The following ACYP2 variants were observed in gnomAD, a reference collection of about 807,000 sequenced individuals.
ACYP2 encodes acylphosphatase-2.
In ACYP2, 12 loss-of-function variants were observed where a neutral mutation model predicts 11.2. The observed-to-expected ratio is 1.08, with a 90% CI of 0.69 to 1.74. ACYP2 has a LOEUF of 1.74. Among genes scored for constraint, ACYP2 ranks in the 40% most tolerant of loss-of-function variants. The pLI is 0.00. For missense variants in ACYP2, 134 were observed against 101.9 expected, an observed-to-expected ratio of 1.31 and a Z score of -1.35; for synonymous variants, 43 against 32.2, an observed-to-expected ratio of 1.33 and a Z score of -1.13.
At chr2:54,161,933 A>C (rs1202429005) in intron 6 of ACYP2, among the ~76,000 whole-genome samples, 1 of 152,114 alleles carries the variant, frequency 6.6e-6, no homozygotes. Flanking sequence ...GTTTTAAAAG[A>C]AGCAGCTATT....
At chr2:54,139,129 G>A (rs550030880) in intron 6 of ACYP2, among the ~76,000 whole-genome samples, 3 of 152,306 alleles carry the variant, frequency 2.0e-5, no homozygotes, top group South Asian at 2.1e-4. Flanking sequence ...GGCTGGCCTC[G>A]AGAAGAATTG....
intron 6 of ACYP2, among the ~76,000 whole-genome samples, chr2:54,197,845 T>C (rs1486785611): frequency 6.6e-6 from 1 of 152,192 alleles, no homozygotes; most frequent in African/African-American, 2.4e-5. Context: ...TGTGCGTACT[T>C]CTTCCTACAC....
At position 54,071,275 on chromosome 2, in the gene ACYP2, G is replaced by A. The variant is rs545194531; in HGVS notation, c.277+13915G>A. ...GGCTTCTATTCAACACTGCACTACA[G>A]ATTCTAGCCAGGACAATGATGTAAG... is the stretch of plus-strand genomic sequence containing the variant. On this transcript the variant is annotated intron_variant, in intron 4 of 6. Transcript: ENST00000607452. 2.4e-3 allele frequency among the ~76,000 whole-genome samples: 360 copies of A among 152,190 alleles called. 1 individual carries two copies. Among genetic ancestry groups the A allele is most frequent in the Admixed American group, 3.6e-3 (55 of 15,268 alleles).
chr2:54,038,648 T>C (rs1675038215), intron 2 of ACYP2, among the ~76,000 whole-genome samples: 1 of 132,464 alleles, frequency 7.5e-6, no homozygotes, highest in Non-Finnish European at 1.6e-5. Flanking sequence ...AGGCATTCAT[T>C]CATTCAATAA....
chr2:54,230,730 A>G (rs1686198812), intron 6 of ACYP2, among the ~76,000 whole-genome samples: 1 of 151,908 alleles, frequency 6.6e-6, no homozygotes, highest in South Asian at 2.1e-4. Context: ...AAACTCCACC[A>G]ATTGTCAACC....
intron 6 of ACYP2, among the ~76,000 whole-genome samples, chr2:54,287,206 C>T (rs556356452): frequency 9.2e-5 from 14 of 152,010 alleles, no homozygotes; most frequent in South Asian, 6.2e-4. Flanking sequence ...AAGGTGGCAC[C>T]TTGAACACCA....
chr2:54,186,041 G>GA (rs1222893150), intron 6 of ACYP2, among the ~76,000 whole-genome samples: 1 of 151,926 alleles, frequency 6.6e-6, no homozygotes, highest in Non-Finnish European at 1.5e-5. Flanking sequence ...CACAAGAGAA[G>GA]AAAAAACATT....
At chr2:54,159,372 C>CTTT (rs768866580) in intron 6 of ACYP2, among the ~76,000 whole-genome samples, 4 of 113,530 alleles carry the variant, frequency 3.5e-5, no homozygotes, top group African/African-American at 1.3e-4. Flanking sequence ...TTTTAGGATG[C>CTTT]TTTTTTTTTT....
At chr2:54,237,005 A>G (rs1373640206) in intron 6 of ACYP2, among the ~76,000 whole-genome samples, 3 of 152,232 alleles carry the variant, frequency 2.0e-5, no homozygotes, top group East Asian at 1.9e-4. Context: ...CTGAACACAT[A>G]CAGACTTTTT....
At chr2:54,048,659 A>T (rs1232863835) in intron 2 of ACYP2, among the ~76,000 whole-genome samples, 2 of 152,198 alleles carry the variant, frequency 1.3e-5, no homozygotes, top group African/African-American at 4.8e-5. Flanking sequence ...TGCCACCATG[A>T]CCTACAACCA....
chr2:54,059,787 C>G (rs1322017142), intron 4 of ACYP2, among the ~76,000 whole-genome samples: 2 of 152,086 alleles, frequency 1.3e-5, no homozygotes. Flanking sequence ...GCATGGATGC[C>G]TTGTATGTTT....
At chr2:53,980,637 A>G (rs1348545820) in intron 2 of ACYP2, among the ~76,000 whole-genome samples, 3 of 152,182 alleles carry the variant, frequency 2.0e-5, no homozygotes, top group Non-Finnish European at 4.4e-5. Flanking sequence ...ACAGTGGTGT[A>G]TAGTGACATC....
intron 6 of ACYP2, among the ~76,000 whole-genome samples, chr2:54,232,332 C>A (rs920193353): frequency 6.6e-6 from 1 of 152,134 alleles, no homozygotes; most frequent in African/African-American, 2.4e-5. Flanking sequence ...TGGCTTCCTT[C>A]GACAGGACCA....
chr2:54,225,800 C>G (rs146708277), intron 6 of ACYP2, among the ~76,000 whole-genome samples: 1 of 150,948 alleles, frequency 6.6e-6, no homozygotes, highest in East Asian at 1.9e-4. Context: ...TTTTTTTTTA[C>G]TTGTTTCTTA....
At chr2:54,278,855 G>A (rs1179556771) in intron 6 of ACYP2, among the ~76,000 whole-genome samples, 4 of 152,068 alleles carry the variant, frequency 2.6e-5, no homozygotes, top group Non-Finnish European at 4.4e-5. Flanking sequence ...GTATATAGAT[G>A]CTGCTGTACT....
intron 6 of ACYP2, among the ~76,000 whole-genome samples, chr2:54,249,019 C>G (rs1687084894): frequency 6.6e-6 from 1 of 151,604 alleles, no homozygotes; most frequent in Non-Finnish European, 1.5e-5. Context: ...GTAAGGAGTT[C>G]CATGTGAGTG....
At chr2:54,030,796 A>T (rs1467972547) in intron 2 of ACYP2, 1 of 152,302 alleles carries the variant, frequency 6.6e-6, no homozygotes, top group African/African-American at 2.4e-5. Flanking sequence ...TCTAAAAAAT[A>T]ATAACTGACC....
chr2:54,045,983 C>T (rs181582759), intron 2 of ACYP2, among the ~76,000 whole-genome samples: 2 of 151,370 alleles, frequency 1.3e-5, no homozygotes, highest in Non-Finnish European at 2.9e-5. Flanking sequence ...ACAGCCTGGG[C>T]AACATGGCAA....
intron 6 of ACYP2, among the ~76,000 whole-genome samples, chr2:54,162,374 C>G (rs1217317539): frequency 2.6e-5 from 4 of 152,136 alleles, no homozygotes; most frequent in East Asian, 3.8e-4. Flanking sequence ...GCTGCTGCTT[C>G]TTTTTCTTTT....
Sources: allele counts gnomAD v4.1 joint callset (sites outside exome capture counted in the v4.1 genomes callset), GRCh38; gene constraint gnomAD v4.1.1; transcripts MANE v1.5; gene names NCBI Gene and HGNC (gene_info 2026-07-23, HGNC 2026-07-21).